TYW1B: variants seen among roughly 807,000 people sequenced by gnomAD.
TYW1B encodes the protein tRNA-yW synthesizing protein 1 homolog B.
A neutral mutation model predicts 86.9 loss-of-function variants in TYW1B; 73 were observed. The observed-to-expected ratio is 0.84, with a 90% CI of 0.70 to 1.02. The LOEUF is 1.02. Ranked by LOEUF, TYW1B falls within the 50% of genes least tolerant of loss-of-function variation. TYW1B has a pLI of 0.00. For synonymous variants in TYW1B, 248 were observed against 292.8 expected (o/e 0.85, Z 1.56); for missense variants, 637 against 827.4 (o/e 0.77, Z 2.82).
At chr7:72,590,261 T>C (rs1265840012) in intron 13 of TYW1B, among the ~76,000 whole-genome samples, 1 of 152,234 alleles carries the variant, frequency 6.6e-6, no homozygotes, top group Admixed American at 6.5e-5. Context: ...CTCAGCCCCA[T>C]GGCAGGCAGC....
intron 10 of TYW1B, among the ~76,000 whole-genome samples, chr7:72,697,725 C>CA (rs1339524821): frequency 1.3e-5 from 2 of 151,978 alleles, no homozygotes; most frequent in Non-Finnish European, 2.9e-5. Flanking sequence ...TCTGCTCTCC[C>CA]AAAAAAAGAC....
chr7:72,775,058 T>C (rs1787932056), intron 7 of TYW1B, among the ~76,000 whole-genome samples: 1 of 152,124 alleles, frequency 6.6e-6, no homozygotes, highest in Admixed American at 6.6e-5. Flanking sequence ...AGATGAGACA[T>C]TACAGAAGAA....
chr7:72,815,005 A>G (rs1788694306), intron 3 of TYW1B, among the ~76,000 whole-genome samples: 1 of 148,640 alleles, frequency 6.7e-6, no homozygotes. Flanking sequence ...GGAGACGGAC[A>G]CTGCACTGAA....
chr7:72,673,995 T>C (rs1362438839), intron 11 of TYW1B, among the ~76,000 whole-genome samples: 3 of 152,094 alleles, frequency 2.0e-5, no homozygotes, highest in South Asian at 2.1e-4. Flanking sequence ...AATAAACACC[T>C]GAAGCAGAGA....
At chr7:72,736,323 T>A (rs1476100647) in intron 8 of TYW1B, among the ~76,000 whole-genome samples, 1 of 152,364 alleles carries the variant, frequency 6.6e-6, no homozygotes, top group East Asian at 1.9e-4. Context: ...TACGACCTAA[T>A]GCTTGCTGGG....
At chr7:72,786,812 C>T (rs1227220737) in intron 6 of TYW1B, among the ~76,000 whole-genome samples, 1 of 151,932 alleles carries the variant, frequency 6.6e-6, no homozygotes, top group African/African-American at 2.4e-5. Context: ...TGAGCTCAAG[C>T]GATCCACCTG....
At chr7:72,645,067 T>C (rs1368686767) in intron 11 of TYW1B, among the ~76,000 whole-genome samples, 1 of 152,118 alleles carries the variant, frequency 6.6e-6, no homozygotes, top group Non-Finnish European at 1.5e-5. Flanking sequence ...GAACTCATGA[T>C]CCACCCACCT....
chr7:72,718,815 G>A lies in TYW1B; in HGVS notation c.1193-5017C>T, dbSNP rs1243562333. 1.3e-5 allele frequency among the ~76,000 whole-genome samples: 2 copies of A among 152,138 alleles called. 1 individual carries two copies. Among genetic ancestry groups the A allele is most frequent in the African/African-American group, 4.8e-5 (2 of 41,428 alleles). On this transcript the variant is annotated intron_variant, in intron 9 of 13. Transcript: ENST00000620995. ...CATGAGCAGCTGAGTAGAAAGGCAG[G>A]TTGAACCTGAACTCCAAAACCAACC... is the stretch of plus-strand genomic sequence containing the variant.
At chr7:72,687,890 C>T (rs1230069226) in intron 11 of TYW1B, among the ~76,000 whole-genome samples, 6 of 150,520 alleles carry the variant, frequency 4.0e-5, no homozygotes, top group African/African-American at 1.2e-4. Flanking sequence ...ACCCATCTCT[C>T]AAAAAAAAAT....
At chr7:72,669,246 G>A (rs1371105904) in intron 11 of TYW1B, among the ~76,000 whole-genome samples, 4 of 136,748 alleles carry the variant, frequency 2.9e-5, no homozygotes, top group South Asian at 2.4e-4. Context: ...CTGGGTTCAA[G>A]AGATTCTCCT....
chr7:72,809,704 A>G (rs1372465647), intron 4 of TYW1B, among the ~76,000 whole-genome samples: 1 of 151,964 alleles, frequency 6.6e-6, no homozygotes, highest in Non-Finnish European at 1.5e-5. Flanking sequence ...TCACCTGCAT[A>G]AAGAGCTTGG....
intron 11 of TYW1B, among the ~76,000 whole-genome samples, chr7:72,690,081 T>C (rs1409285987): frequency 2.0e-5 from 3 of 152,218 alleles, no homozygotes; most frequent in African/African-American, 7.2e-5. Context: ...TAAGGTGCAA[T>C]GCAAGAAATT....
chr7:72,607,393 C>CAAAAAAAAAAAAAAAAAAAA (rs57281644), intron 13 of TYW1B, among the ~76,000 whole-genome samples: 1 of 76,230 alleles, frequency 1.3e-5, no homozygotes, highest in Non-Finnish European at 2.6e-5. Context: ...TTCTGTCTCT[C>CAAAAAAAAAAAAAAAAAAAA]AAAAAAAAAA....
chr7:72,614,798 T>A (rs1435796160), intron 13 of TYW1B, among the ~76,000 whole-genome samples: 1 of 152,212 alleles, frequency 6.6e-6, no homozygotes, highest in Non-Finnish European at 1.5e-5. Context: ...AACTGAATCA[T>A]GCTATGAGCC....
At chr7:72,751,048 T>A (rs1307964684) in intron 7 of TYW1B, among the ~76,000 whole-genome samples, 1 of 152,026 alleles carries the variant, frequency 6.6e-6, no homozygotes, top group Non-Finnish European at 1.5e-5. Context: ...TCCCTTTTTT[T>A]TTTTTTTGAA....
intron 13 of TYW1B, among the ~76,000 whole-genome samples, chr7:72,584,357 T>C (rs1173019948): frequency 6.6e-6 from 1 of 152,084 alleles, no homozygotes; most frequent in Non-Finnish European, 1.5e-5. Context: ...AGCATTGTTT[T>C]TTGTTTGTTT....
In TYW1B at chr7:72,771,698, T is replaced by C. The variant is rs577463759; in HGVS notation, c.964+5718A>G. ...AAAGCGTCATATCAAAAAGTGACATTAAAATTTAGCAAAATTTTTTTTTTT... is the reference window on the plus strand; with the variant it reads ...AAAGCGTCATATCAAAAAGTGACATCAAAATTTAGCAAAATTTTTTTTTTT... On this transcript the variant is annotated intron_variant, in intron 7 of 13. Coordinates refer to ENST00000620995, the MANE Select transcript of TYW1B (RefSeq NM_001145440.3). 1.4e-3 allele frequency among the ~76,000 whole-genome samples: 174 copies of C among 125,464 alleles called. 2 individuals carry two copies. The highest frequency in any genetic ancestry group is 4.8e-3 in the African/African-American group (170 of 35,604). 82.3% of individuals were successfully genotyped at this position (125,464 alleles called of 152,430 possible).
At chr7:72,774,521 G>C (rs1380307491) in intron 7 of TYW1B, among the ~76,000 whole-genome samples, 5 of 151,926 alleles carry the variant, frequency 3.3e-5, no homozygotes, top group African/African-American at 9.7e-5. Flanking sequence ...AGGAGATAGA[G>C]ACCATCCTGG....
intron 11 of TYW1B, among the ~76,000 whole-genome samples, chr7:72,636,615 G>GC (rs1812673125): frequency 6.6e-6 from 1 of 152,122 alleles, no homozygotes; most frequent in African/African-American, 2.4e-5. Flanking sequence ...TTGGCTACAA[G>GC]ATTTTAATCA....
Sources: allele counts gnomAD v4.1 joint callset (sites outside exome capture counted in the v4.1 genomes callset), GRCh38; gene constraint gnomAD v4.1.1; transcripts MANE v1.5; gene names NCBI Gene and HGNC (gene_info 2026-07-23, HGNC 2026-07-21).